Variants in FUT8 observed in about 807,000 individuals in gnomAD.
FUT8 encodes the protein alpha-(1,6)-fucosyltransferase.
Under a neutral mutation model 71.3 loss-of-function variants are expected in FUT8, and 29 were observed. That is an observed-to-expected ratio of 0.41 (90% confidence interval 0.30 to 0.55). FUT8 has a LOEUF of 0.55. Ranked by LOEUF, FUT8 falls within the 20% of genes least tolerant of loss-of-function variation. FUT8 has a pLI of 0.34. For missense variants in FUT8, 544 were observed against 702.1 expected, an observed-to-expected ratio of 0.77 and a Z score of 2.55; for synonymous variants, 254 against 239.3, an observed-to-expected ratio of 1.06 and a Z score of -0.57.
chr14:65,469,879 T>C (rs1673971893), intron 2 of FUT8, among the ~76,000 whole-genome samples: 1 of 152,278 alleles, frequency 6.6e-6, no homozygotes, highest in East Asian at 1.9e-4. Context: ...TCGGTGGCCA[T>C]GGGTGGGCTG....
At chr14:65,588,483 A>G (rs537482880) in intron 3 of FUT8, among the ~76,000 whole-genome samples, 7 of 152,278 alleles carry the variant, frequency 4.6e-5, no homozygotes, top group African/African-American at 1.4e-4. Flanking sequence ...CTTTTCCACA[A>G]ATTATGAATC....
At chr14:65,692,734 C>A (rs1566899523) in intron 7 of FUT8, among the ~76,000 whole-genome samples, 1 of 150,960 alleles carries the variant, frequency 6.6e-6, no homozygotes. Context: ...GGCGGAGGGG[C>A]TCCTCACTTC....
chr14:65,703,616 T>G (rs1894422003), intron 7 of FUT8, among the ~76,000 whole-genome samples: 1 of 152,206 alleles, frequency 6.6e-6, no homozygotes, highest in African/African-American at 2.4e-5. Flanking sequence ...AAGACCATAC[T>G]CCACACCCCA....
In FUT8 at chr14:65,508,385, C is replaced by T. The variant is rs369269770; in HGVS notation, c.-228+52667C>T. ...GTGCCCGGCCGAACACTTTTTCATA[C>T]GTGTGTTTGCTAGTTGTATGTCTGT... On this transcript the variant is annotated intron_variant, in intron 2 of 10. Transcript: ENST00000673929. Among the ~76,000 whole-genome samples, 17 of 149,546 alleles carry T rather than the reference C, an allele frequency of 1.1e-4. No individual in the cohort carries two copies. The East Asian group carries it at 1.4e-3, about 12-fold the overall frequency.
At chr14:65,693,334 G>C (rs528468578) in intron 7 of FUT8, among the ~76,000 whole-genome samples, 1 of 152,196 alleles carries the variant, frequency 6.6e-6, no homozygotes, top group African/African-American at 2.4e-5. Context: ...GCGAAACCCC[G>C]TCTCCACCAA....
chr14:65,628,336 C>A (rs1890006103), intron 5 of FUT8, among the ~76,000 whole-genome samples: 1 of 152,090 alleles, frequency 6.6e-6, no homozygotes, highest in Admixed American at 6.6e-5. Context: ...GCTGAGGAGC[C>A]AATTCATGTT....
chr14:65,415,057 C>G (rs1430203774), intron 1 of FUT8, among the ~76,000 whole-genome samples: 1 of 152,074 alleles, frequency 6.6e-6, no homozygotes, highest in Non-Finnish European at 1.5e-5. Context: ...AAATTCTTAC[C>G]AGTTATTTTT....
intron 2 of FUT8, among the ~76,000 whole-genome samples, chr14:65,546,741 C>G (rs917484344): frequency 3.3e-5 from 5 of 151,668 alleles, no homozygotes; most frequent in African/African-American, 1.2e-4. Context: ...AATTGACAAG[C>G]TGTTTATTTT....
chr14:65,461,543 C>G (rs2065969270), intron 2 of FUT8, among the ~76,000 whole-genome samples: 1 of 152,110 alleles, frequency 6.6e-6, no homozygotes, highest in Non-Finnish European at 1.5e-5. Flanking sequence ...AGGGTAAAAT[C>G]TTAGGTTCTT....
the FUT8 span, among the ~76,000 whole-genome samples, chr14:65,365,762 T>C: frequency 6.6e-6 from 1 of 152,146 alleles, no homozygotes; most frequent in African/African-American, 2.4e-5. Flanking sequence ...AATCAATAAA[T>C]AACCATATAA....
intron 3 of FUT8, among the ~76,000 whole-genome samples, chr14:65,587,399 A>G (rs1455937659): frequency 2.6e-5 from 4 of 152,186 alleles, no homozygotes; most frequent in African/African-American, 4.8e-5. Flanking sequence ...AAGTCTTTTG[A>G]ATCTTTGGTA....
intron 2 of FUT8, among the ~76,000 whole-genome samples, chr14:65,506,890 CCCGGCCACGGATGAATAAAGTACA>C (rs993468096): frequency 6.6e-6 from 1 of 152,198 alleles, no homozygotes; most frequent in African/African-American, 2.4e-5. Context: ...TAGACCCTGA[CCCGGCCACGGATGAATAAAGTACA>C]CTGACACACA....
chr14:65,509,198 A>C (rs942679019), intron 2 of FUT8, among the ~76,000 whole-genome samples: 5 of 151,680 alleles, frequency 3.3e-5, no homozygotes, highest in Non-Finnish European at 5.9e-5. Flanking sequence ...TCTGCCATGT[A>C]TGTTTTTGGC....
At chr14:65,599,416 A>G (rs560033694) in intron 3 of FUT8, among the ~76,000 whole-genome samples, 15 of 152,170 alleles carry the variant, frequency 9.9e-5, no homozygotes, top group Non-Finnish European at 1.8e-4. Flanking sequence ...AGGAGGCAAA[A>G]GTTCCTTTTT....
intron 6 of FUT8, among the ~76,000 whole-genome samples, chr14:65,656,648 G>C (rs112359884): frequency 1.3e-5 from 2 of 151,964 alleles, no homozygotes; most frequent in African/African-American, 2.4e-5. Flanking sequence ...AACTTACATG[G>C]AATCACAAAA....
intron 1 of FUT8, among the ~76,000 whole-genome samples, chr14:65,428,598 A>G (rs1016937623): frequency 4.6e-5 from 7 of 152,236 alleles, no homozygotes; most frequent in African/African-American, 1.7e-4. Context: ...TGATTCAGCA[A>G]TGAACAAATT....
chr14:65,519,805 G>T (rs753052972), intron 2 of FUT8, among the ~76,000 whole-genome samples: 7 of 151,850 alleles, frequency 4.6e-5, no homozygotes, highest in Non-Finnish European at 1.0e-4. Flanking sequence ...TTGAGACAGG[G>T]TCTTCCTCTT....
intron 7 of FUT8, among the ~76,000 whole-genome samples, chr14:65,698,875 C>A (rs774005394): frequency 6.6e-6 from 1 of 151,998 alleles, no homozygotes; most frequent in Non-Finnish European, 1.5e-5. Flanking sequence ...ATGTTTATGT[C>A]CTTGTTCCAG....
intron 1 of FUT8, among the ~76,000 whole-genome samples, chr14:65,442,348 G>C (rs2065673469): frequency 6.6e-6 from 1 of 151,528 alleles, no homozygotes; most frequent in Non-Finnish European, 1.5e-5. Context: ...GCCAATTTTT[G>C]TATTTTGTAT....
Sources: gnomAD v4.1 joint callset for allele counts (sites outside exome capture counted in the v4.1 genomes callset) on GRCh38, gnomAD v4.1.1 for gene constraint, MANE v1.5 for transcripts, NCBI Gene and HGNC (gene_info 2026-07-23, HGNC 2026-07-21) for gene names.